Variants in VSX1 observed in about 807,000 individuals in gnomAD.
VSX1 encodes homeodomain protein RINX.
A neutral mutation model predicts 23.6 loss-of-function variants in VSX1; 23 were observed. The observed-to-expected ratio is 0.97, with a 90% CI of 0.70 to 1.38. VSX1 has a LOEUF of 1.38. Among genes scored for constraint, VSX1 ranks in the 40% most tolerant of loss-of-function variants. The pLI, the probability that VSX1 is intolerant of heterozygous loss-of-function variation, is 0.00. For missense variants in VSX1, 517 were observed against 495.4 expected, an observed-to-expected ratio of 1.04 and a Z score of -0.41; for synonymous variants, 247 against 215.1, an observed-to-expected ratio of 1.15 and a Z score of -1.30.
At chr20:25,072,307 G>A (rs743017), downstream of VSX1, among the ~76,000 whole-genome samples, 45,360 of 152,000 alleles carry the variant, frequency 0.3, 7,840 homozygotes, top group African/African-American at 0.46. Flanking sequence ...TAAGGTGTGA[G>A]GTACAGGTCC....
At chr20:25,074,575 A>G (rs1324506667), downstream of VSX1, among the ~76,000 whole-genome samples, 1 of 152,152 alleles carries the variant, frequency 6.6e-6, no homozygotes, top group Non-Finnish European at 1.5e-5. Flanking sequence ...TCTGCTTTAC[A>G]TATTTATTTC....
chr20:25,077,303 G>A (rs1012359259), intron 4 of VSX1, among the ~76,000 whole-genome samples: 3 of 152,172 alleles, frequency 2.0e-5, no homozygotes, highest in African/African-American at 7.2e-5. Flanking sequence ...ACTGTCCCCA[G>A]GGGTCGCTGC....
At chr20:25,076,821 G>A (rs1487766895) in intron 4 of VSX1, among the ~76,000 whole-genome samples, 1 of 152,194 alleles carries the variant, frequency 6.6e-6, no homozygotes, top group Non-Finnish European at 1.5e-5. Flanking sequence ...TCTCGCAGAT[G>A]CCAGTAAGTG....
chr20:25,077,661 GC>G, intron 4 of VSX1, 23 bp downstream of exon 4: 3 of 1,542,746 alleles, frequency 1.9e-6, no homozygotes, highest in Non-Finnish European at 2.6e-6. Flanking sequence ...CTCGAGCCGT[GC>G]GATCCCGGGG....
rs903160762 is a variant in VSX1 at position 25,081,728 on chromosome 20, G to A, written c.369C>T (p.Ser123=). The A allele has an allele frequency of 3.3e-6, 5 of 1,501,886 alleles. No individual in the cohort carries two copies. The African/African-American group carries it at 7.2e-5, about 22-fold the overall frequency. 93.0% of individuals were successfully genotyped at this position (1,501,886 alleles called of 1,614,324 possible). ...GGCGGCCGAGCGCAGGCGGCGGACG[G>A]CTGGGAGCCAGCGGGGCAGCGGGCT... ...GPEPAAPLAP[S]RPPPALGRQK... Residue 123 remains serine, a synonymous_variant, in exon 1 of 5, where the codon AGC becomes AGT. Transcript: ENST00000376709.
chr20:25,071,436 C>G (rs1271060416), downstream of VSX1: 2 of 453,568 alleles, frequency 4.4e-6, no homozygotes, highest in African/African-American at 4.0e-5. Flanking sequence ...TGTGCCACTG[C>G]ACTCCAGCCT....
chr20:25,078,540 G>T (rs2089559639), intron 3 of VSX1: 3 of 1,351,430 alleles, frequency 2.2e-6, no homozygotes, highest in South Asian at 1.8e-5. Context: ...AGATGGAGAG[G>T]TAGTCTCTTT....
At chr20:25,076,825 G>A in intron 4 of VSX1, among the ~76,000 whole-genome samples, 1 of 152,218 alleles carries the variant, frequency 6.6e-6, no homozygotes, top group East Asian at 1.9e-4. Context: ...GCAGATGCCA[G>A]TAAGTGCCCT....
At position 25,078,941 on chromosome 20, in the gene VSX1, G is replaced by C; in HGVS notation, c.515C>G (p.Thr172Ser). The change falls in exon 3 of 5, where the codon ACT (threonine) becomes AGT (serine). Residue 172 changes from threonine to serine, a missense_variant. Coordinates refer to ENST00000376709, the MANE Select transcript of VSX1 (RefSeq NM_014588.6). ...CTCCAACTCTTCCAGCTGGTGAGCA[G>C]TGAAAACTGTCCTGCAAGGACCCCA... ...RKKRRHRTVF[T>S]AHQLEELEKA... The C allele has an allele frequency of 6.2e-7, 1 of 1,613,936 alleles. No individual in the cohort carries two copies. Among genetic ancestry groups the C allele is most frequent in the South Asian group, 1.1e-5 (1 of 91,068 alleles).
chr20:25,078,992 CT>C, intron 2 of VSX1, 40 bp from the exon 3 acceptor site: 3 of 1,612,278 alleles, frequency 1.9e-6, no homozygotes, highest in Non-Finnish European at 2.5e-6. Flanking sequence ...CACATGTCCC[CT>C]GGGGACAGCA....
At position 25,076,060 on chromosome 20, in the gene VSX1, A is replaced by G. The variant is rs2089482951; in HGVS notation, c.*201T>C. On this transcript the variant is annotated 3_prime_UTR_variant, in exon 5 of 5. Transcript: ENST00000376709. Reference sequence around the variant, plus strand: ...TAACTGGTTAAAGTGCCATTAAGGAACCGTTTCCATTCTAGAATGAAATAG... The same window carrying G: ...TAACTGGTTAAAGTGCCATTAAGGAGCCGTTTCCATTCTAGAATGAAATAG... 2.9e-6 allele frequency: 2 copies of G among 689,458 alleles called. No homozygotes were observed. The highest frequency in any genetic ancestry group is 4.8e-6 in the Non-Finnish European group (2 of 417,934). The allele number at this position is 689,458 out of a possible 1,614,324, so 42.7% of individuals were successfully genotyped here.
chr20:25,074,341 C>T (rs1032731752), downstream of VSX1, among the ~76,000 whole-genome samples: 1 of 152,132 alleles, frequency 6.6e-6, no homozygotes, highest in Non-Finnish European at 1.5e-5. Context: ...CATATAAACA[C>T]GTGTATGTAT....
intron 1 of VSX1, 96 bp from the exon 2 acceptor site, chr20:25,079,610 G>T: frequency 1.5e-6 from 2 of 1,345,122 alleles, no homozygotes; most frequent in Non-Finnish European, 2.1e-6. Context: ...GAACCTCTTG[G>T]GTACTTAAGT....
downstream of VSX1, among the ~76,000 whole-genome samples, chr20:25,074,076 T>C (rs1484531619): frequency 6.6e-6 from 1 of 152,250 alleles, no homozygotes; most frequent in Non-Finnish European, 1.5e-5. Context: ...AACTTTCTCG[T>C]TTGATTTTTG....
chr20:25,078,561 T>C, intron 3 of VSX1: 1 of 1,340,530 alleles, frequency 7.5e-7, no homozygotes, highest in Non-Finnish European at 9.6e-7. Flanking sequence ...TTTTTTTTTT[T>C]CATTGACATA....
Position 25,081,797 on chromosome 20 carries a change from G to T in VSX1, c.300C>A (p.Cys100Ter). The T allele has an allele frequency of 6.6e-7, 1 of 1,505,766 alleles. No homozygotes were observed. Among genetic ancestry groups the T allele is most frequent in the Non-Finnish European group, 8.8e-7 (1 of 1,135,852 alleles). 93.3% of individuals were successfully genotyped at this position (1,505,766 alleles called of 1,614,324 possible). The change falls in exon 1 of 5, where the codon TGC (cysteine) becomes TGA (stop). Residue 100 changes from cysteine to a stop codon, truncating the protein, a stop_gained. Transcript: ENST00000376709. LOFTEE classifies it high-confidence loss of function. The stretch of plus-strand genomic sequence containing the variant: ...GGAACGGCACGTCCGCTAGGAGCAG[G>T]CAGGGTGCTCGAGCGGCCGCCGGCG... ...TQPPAAARAP[C>*]LLLADVPFLP...
chr20:25,077,975 T>A, intron 3 of VSX1, 110 bp from the exon 4 acceptor site: 1 of 1,360,522 alleles, frequency 7.4e-7, no homozygotes. Context: ...CCGAGCATGA[T>A]CCCATGCTAT....
intron 2 of VSX1, 22 bp from the exon 3 acceptor site, chr20:25,078,974 C>T (rs1467918358): frequency 1.2e-6 from 2 of 1,612,832 alleles, no homozygotes; most frequent in East Asian, 2.2e-5. Context: ...CCAAAACACA[C>T]AGGTGGGCAC....
chr20:25,076,512 C>T lies in VSX1; in HGVS notation c.847G>A (p.Gly283Arg). Residue 283 changes from glycine to arginine, a missense_variant, in exon 5 of 5, where the codon GGA (glycine) becomes AGA (arginine). Coordinates refer to ENST00000376709, the MANE Select transcript of VSX1 (RefSeq NM_014588.6). The part of the protein sequence containing the change: ...KKSMGMIRKP[G>R]SEDKLAGLWG... ...AGTCCTGCCAACTTATCTTCACTTC[C>T]TGGCTTCCTTATCATCCCCATGGAT... The T allele has an allele frequency of 6.2e-7, 1 of 1,613,528 alleles. No individual in the cohort carries two copies. The highest frequency in any genetic ancestry group is 8.5e-7 in the Non-Finnish European group (1 of 1,179,846).
Sources: allele counts gnomAD v4.1 joint callset (sites outside exome capture counted in the v4.1 genomes callset), GRCh38; gene constraint gnomAD v4.1.1; transcripts MANE v1.5; gene names NCBI Gene and HGNC (gene_info 2026-07-23, HGNC 2026-07-21).